The following RORA variants were observed in gnomAD, a reference collection of about 807,000 sequenced individuals.
The protein encoded by RORA is RAR related orphan receptor A, also known as nuclear receptor ROR-alpha.
RORA carries 7 observed loss-of-function variants against 69.5 expected under a neutral mutation model. That is an observed-to-expected ratio of 0.10 (90% CI 0.06 to 0.19). The LOEUF is 0.19. Ranked by LOEUF, RORA falls within the 10% of genes least tolerant of loss-of-function variation. RORA has a pLI of 1.00. For missense variants in RORA, 457 were observed against 663.0 expected, an observed-to-expected ratio of 0.69 and a Z score of 3.41; for synonymous variants, 261 against 240.8, an observed-to-expected ratio of 1.08 and a Z score of -0.78.
At chr15:60,520,697 A>T (rs187348509) in intron 3 of RORA, among the ~76,000 whole-genome samples, 26 of 152,122 alleles carry the variant, frequency 1.7e-4, no homozygotes, top group African/African-American at 5.3e-4. Flanking sequence ...AAACTAGGGC[A>T]TGGAGTTTTG....
chr15:60,896,085 T>C (rs1235050469), intron 1 of RORA, among the ~76,000 whole-genome samples: 1 of 152,196 alleles, frequency 6.6e-6, no homozygotes, highest in Non-Finnish European at 1.5e-5. Context: ...CTGGAGTCTA[T>C]GACACTGGAT....
At chr15:60,823,819 A>G (rs184527175) in intron 1 of RORA, among the ~76,000 whole-genome samples, 2 of 152,076 alleles carry the variant, frequency 1.3e-5, no homozygotes, top group Admixed American at 6.5e-5. Context: ...AAAAAAATCA[A>G]TGTAACAACT....
chr15:60,631,153 G>A (rs1464579233), intron 2 of RORA, among the ~76,000 whole-genome samples: 2 of 152,136 alleles, frequency 1.3e-5, no homozygotes, highest in Admixed American at 1.3e-4. Flanking sequence ...GCCTCCCAAA[G>A]TTTGGGATTA....
chr15:61,127,649 A>C (rs2079155025), intron 1 of RORA, among the ~76,000 whole-genome samples: 1 of 152,216 alleles, frequency 6.6e-6, no homozygotes, highest in South Asian at 2.1e-4. Flanking sequence ...GTTGCCTTCT[A>C]GAAGATTTGT....
Position 61,061,373 on chromosome 15 carries a change from A to ATAAG in RORA, c.166+167679_166+167680insCTTA, listed in dbSNP as rs2078182659. Among the ~76,000 whole-genome samples the ATAAG allele has an allele frequency of 1.4e-5, 2 of 147,686 alleles. No individual in the cohort carries two copies. The highest frequency in any genetic ancestry group is 4.5e-4 in the South Asian group (2 of 4,474). ...TCTTAAAAAATAAATAAATAAATAA[A>ATAAG]TAAATAAATAAATAAATAAATAAAT... On this transcript the variant is annotated intron_variant, in intron 1 of 10. Transcript: ENST00000335670. This position sits in a 1 kb window ranked among gnomAD's most constrained non-coding sequence, Gnocchi z 4.4.
At chr15:60,920,170 A>G (rs895175837) in intron 1 of RORA, among the ~76,000 whole-genome samples, 8 of 152,212 alleles carry the variant, frequency 5.3e-5, no homozygotes, top group Admixed American at 2.0e-4. Flanking sequence ...AAGCTTCCGG[A>G]GACCTTGGAA....
At chr15:60,636,915 T>A (rs2069851623) in intron 2 of RORA, among the ~76,000 whole-genome samples, 1 of 152,250 alleles carries the variant, frequency 6.6e-6, no homozygotes, top group South Asian at 2.1e-4. Flanking sequence ...TCTTTAAATA[T>A]TATTTTAATG....
intron 1 of RORA, among the ~76,000 whole-genome samples, chr15:60,747,128 T>C (rs2071660301): frequency 6.6e-6 from 1 of 151,838 alleles, no homozygotes; most frequent in Non-Finnish European, 1.5e-5. Context: ...GCTCAATCTC[T>C]TCTCTAAGAA....
At chr15:60,836,493 T>G (rs1031729426) in intron 1 of RORA, among the ~76,000 whole-genome samples, 1 of 152,112 alleles carries the variant, frequency 6.6e-6, no homozygotes, top group African/African-American at 2.4e-5. Flanking sequence ...AGGCTGGTCA[T>G]CCCATGCTCC....
intron 1 of RORA, among the ~76,000 whole-genome samples, chr15:60,997,046 T>C (rs1289560864): frequency 6.6e-6 from 1 of 151,700 alleles, no homozygotes; most frequent in Non-Finnish European, 1.5e-5. Context: ...GGTTTGTGTG[T>C]GTGTGTGTGT....
At position 61,222,579 on chromosome 15, in the gene RORA, T is replaced by C. The variant is rs566940488; in HGVS notation, c.166+6474A>G. Among the ~76,000 whole-genome samples the C allele has an allele frequency of 2.1e-4, 32 of 152,244 alleles. No homozygotes were observed. In the East Asian group the frequency reaches 5.6e-3, roughly 27 times the overall value. On this transcript the variant is annotated intron_variant, in intron 1 of 10. Transcript: ENST00000335670. ...TCCAAAATCAAGAGAGAAATAATAA[T>C]AACTGGGCTGTCACAAAAGAACATC...
chr15:61,129,249 T>C (rs2079168670), intron 1 of RORA, among the ~76,000 whole-genome samples: 1 of 152,160 alleles, frequency 6.6e-6, no homozygotes, highest in South Asian at 2.1e-4. Context: ...CATTTGTGAT[T>C]CGAGAGGGAT....
At position 61,061,883 on chromosome 15, in the gene RORA, T is replaced by C. The variant is rs2078191686; in HGVS notation, c.166+167170A>G. The stretch of plus-strand genomic sequence containing the variant: ...TTCGAGACCAGCCTGGCCAACATGG[T>C]GAAACCCCATCTCAACTAAAAATAC... On this transcript the variant is annotated intron_variant, in intron 1 of 10. Coordinates refer to ENST00000335670, the MANE Select transcript of RORA (RefSeq NM_134261.3). The surrounding 1 kb of genome is among the most constrained non-coding windows in gnomAD (Gnocchi z 4.4). Among the ~76,000 whole-genome samples the C allele has an allele frequency of 6.6e-6, 1 of 152,056 alleles. No homozygotes were observed. Among genetic ancestry groups the C allele is most frequent in the Admixed American group, 6.6e-5 (1 of 15,262 alleles).
intron 1 of RORA, among the ~76,000 whole-genome samples, chr15:60,808,561 G>A (rs1244198316): frequency 6.6e-6 from 1 of 151,878 alleles, no homozygotes; most frequent in Non-Finnish European, 1.5e-5. Context: ...CTACCACTAG[G>A]TATCTACGCA....
chr15:60,626,870 T>C (rs775198972), intron 2 of RORA, among the ~76,000 whole-genome samples: 1 of 152,212 alleles, frequency 6.6e-6, no homozygotes, highest in African/African-American at 2.4e-5. Context: ...TGCTTACTTA[T>C]AACAGCACCT....
intron 1 of RORA, among the ~76,000 whole-genome samples, chr15:61,219,134 T>C (rs559614730): frequency 9.2e-4 from 140 of 152,346 alleles, no homozygotes; most frequent in African/African-American, 3.2e-3. Context: ...CACTGGTGGA[T>C]TTTTAATTAA....
intron 1 of RORA, among the ~76,000 whole-genome samples, chr15:61,192,274 A>G (rs188045134): frequency 3.3e-5 from 5 of 152,342 alleles, no homozygotes; most frequent in East Asian, 3.9e-4. Context: ...AATGTGTTTT[A>G]TTTTAAAAGT....
At chr15:60,834,256 C>A (rs949635415) in intron 1 of RORA, among the ~76,000 whole-genome samples, 2 of 152,204 alleles carry the variant, frequency 1.3e-5, no homozygotes, top group Admixed American at 6.5e-5. Flanking sequence ...CAACCTTGAA[C>A]CTTACTCTCA....
At chr15:61,151,752 G>A (rs553136242) in intron 1 of RORA, among the ~76,000 whole-genome samples, 4 of 152,228 alleles carry the variant, frequency 2.6e-5, no homozygotes, top group African/African-American at 4.8e-5. Flanking sequence ...TTTTGAATAC[G>A]AAGCTTATCA....
Sources: allele counts gnomAD v4.1 joint callset (sites outside exome capture counted in the v4.1 genomes callset), GRCh38; gene constraint gnomAD v4.1.1; non-coding constraint Gnocchi (gnomAD v3.1); transcripts MANE v1.5; gene names NCBI Gene and HGNC (gene_info 2026-07-23, HGNC 2026-07-21).